SPPL3: variants seen among roughly 807,000 people sequenced by gnomAD.
SPPL3 encodes the protein signal peptide peptidase like 3, also known as signal peptide peptidase-like 3.
Under a neutral mutation model 42.4 loss-of-function variants are expected in SPPL3, and 5 were observed. The observed-to-expected ratio is 0.12, with a 90% confidence interval of 0.06 to 0.25. SPPL3 has a LOEUF of 0.25. Among genes scored for constraint, SPPL3 ranks in the 10% least tolerant of loss-of-function variants. The pLI, the probability that SPPL3 is intolerant of heterozygous loss-of-function variation, is 1.00. For synonymous variants in SPPL3, 195 were observed against 181.8 expected (o/e 1.07, Z -0.58); for missense variants, 235 against 489.0 (o/e 0.48, Z 4.90).
chr12:120,771,589 C>G (rs1049420781), intron 6 of SPPL3, among the ~76,000 whole-genome samples: 2 of 152,134 alleles, frequency 1.3e-5, no homozygotes, highest in Non-Finnish European at 2.9e-5. Flanking sequence ...GCCCTCAACT[C>G]CAGTGAAGGT....
At chr12:120,828,751 AG>A (rs1871302544) in intron 1 of SPPL3, among the ~76,000 whole-genome samples, 1 of 152,150 alleles carries the variant, frequency 6.6e-6, no homozygotes, top group African/African-American at 2.4e-5. Flanking sequence ...CCAAGAGGAA[AG>A]AAAGTCTTTT....
chr12:120,802,431 A>ATGTATTT (rs1312190815), intron 2 of SPPL3, among the ~76,000 whole-genome samples: 1 of 105,162 alleles, frequency 9.5e-6, no homozygotes, highest in Non-Finnish European at 1.8e-5. Flanking sequence ...ATATATATAT[A>ATGTATTT]TTTTTTTTTT....
intron 1 of SPPL3, among the ~76,000 whole-genome samples, chr12:120,838,605 CTCTGT>C (rs1446329798): frequency 6.6e-6 from 1 of 152,236 alleles, no homozygotes; most frequent in African/African-American, 2.4e-5. Flanking sequence ...CATTTGGGCT[CTCTGT>C]TCTTTGTGTC....
At position 120,767,471 on chromosome 12, in the gene SPPL3, G is replaced by C; in HGVS notation, c.896C>G (p.Ala299Gly). Residue 299 changes from alanine to glycine, a missense_variant, in exon 9 of 11, where the codon GCC (alanine) becomes GGC (glycine). This residue lies in a region of SPPL3 where 29 missense variants were observed against 16.4 expected (regional missense o/e 1.77). Coordinates refer to ENST00000353487, the MANE Select transcript of SPPL3 (RefSeq NM_139015.5). ...KKQASGDSCG[A>G]PGPANISGRM... ...CCCGGAGATGTTGGCAGGTCCAGGG[G>C]CCCCACAGGAGTCCCCACTGGCTTG... 1 of 1,614,150 alleles carries C rather than the reference G, an allele frequency of 6.2e-7. No homozygotes were observed.
chr12:120,893,183 G>A (rs1465372461), intron 1 of SPPL3, among the ~76,000 whole-genome samples: 3 of 151,736 alleles, frequency 2.0e-5, no homozygotes, highest in Non-Finnish European at 2.9e-5. Flanking sequence ...AGGTGCAGTG[G>A]CTCACGCCTG....
intron 1 of SPPL3, among the ~76,000 whole-genome samples, chr12:120,849,072 T>C (rs1304787794): frequency 6.6e-6 from 1 of 152,086 alleles, no homozygotes; most frequent in Non-Finnish European, 1.5e-5. Context: ...GAGGCTGAGA[T>C]GGGAGGATTG....
Position 120,763,819 on chromosome 12 carries a change from T to TTTTC in SPPL3, c.*1179_*1180insGAAA, listed in dbSNP as rs397782909. The TTTTC allele has an allele frequency of 6.7e-6, 1 of 150,088 alleles. No homozygotes were observed. The highest frequency in any genetic ancestry group is 1.9e-4 in the East Asian group (1 of 5,146). 9.3% of individuals were successfully genotyped at this position (150,088 alleles called of 1,614,324 possible). On this transcript the variant is annotated 3_prime_UTR_variant, in exon 11 of 11. Transcript: ENST00000353487. ...GTGTTGCTTTTTTCCTTTTTTTTTT[T>TTTTC]CTTAAAGGAGTGAGGGCATGGAAAA...
At chr12:120,800,201 G>A (rs982752078) in intron 2 of SPPL3, among the ~76,000 whole-genome samples, 2 of 152,096 alleles carry the variant, frequency 1.3e-5, no homozygotes, top group Non-Finnish European at 2.9e-5. Context: ...TGCAAGTCTA[G>A]GTACTGAAAT....
chr12:120,837,308 G>A (rs953974220), intron 1 of SPPL3, among the ~76,000 whole-genome samples: 19 of 152,018 alleles, frequency 1.2e-4, no homozygotes, highest in Non-Finnish European at 2.8e-4. Context: ...AGAGAAAAAA[G>A]GCAGATATGA....
intron 1 of SPPL3, among the ~76,000 whole-genome samples, chr12:120,841,546 TA>T (rs1331132407): frequency 1.1e-4 from 17 of 152,308 alleles, no homozygotes; most frequent in Admixed American, 7.2e-4. Context: ...GGCCAAGTTA[TA>T]ATTATTTTTT....
At chr12:120,873,146 G>T (rs1872979116) in intron 1 of SPPL3, among the ~76,000 whole-genome samples, 1 of 152,156 alleles carries the variant, frequency 6.6e-6, no homozygotes, top group South Asian at 2.1e-4. Flanking sequence ...AAACTGTAAA[G>T]ATTTTAAAAG....
rs540105317 is a variant in SPPL3, at chr12:120,806,626, A to T, written c.101+4183T>A. 1.1e-4 allele frequency among the ~76,000 whole-genome samples: 16 copies of T among 152,246 alleles called. No individual in the cohort carries two copies. The South Asian group carries it at 2.9e-3, about 28-fold the overall frequency. On this transcript the variant is annotated intron_variant, in intron 2 of 10. Transcript: ENST00000353487. ...TATTTTGGGAGGCTGAGGTGGGTGG[A>T]TCACGAGGTCAGGAGATCGAGACCA... is the stretch of plus-strand genomic sequence containing the variant.
At chr12:120,807,980 G>A (rs1056163819) in intron 2 of SPPL3, among the ~76,000 whole-genome samples, 1 of 151,802 alleles carries the variant, frequency 6.6e-6, no homozygotes, top group African/African-American at 2.4e-5. Context: ...TGAGCTGGAG[G>A]TCCTGAAAAC....
At chr12:120,832,466 G>A (rs527798112) in intron 1 of SPPL3, among the ~76,000 whole-genome samples, 2 of 152,286 alleles carry the variant, frequency 1.3e-5, no homozygotes, top group African/African-American at 4.8e-5. Context: ...GAGGTCGGGA[G>A]TTCAAGACCA....
intron 6 of SPPL3, among the ~76,000 whole-genome samples, chr12:120,781,319 T>C (rs998337230): frequency 1.3e-5 from 2 of 152,078 alleles, no homozygotes; most frequent in Non-Finnish European, 2.9e-5. Flanking sequence ...AAGAATTCTG[T>C]TCTAGGAATT....
At chr12:120,862,839 A>G (rs1295677253) in intron 1 of SPPL3, among the ~76,000 whole-genome samples, 2 of 151,778 alleles carry the variant, frequency 1.3e-5, no homozygotes, top group African/African-American at 4.8e-5. Context: ...TATATTTCCA[A>G]CCCTCTATTG....
intron 1 of SPPL3, chr12:120,845,039 C>A (rs1481384418): frequency 7.7e-6 from 2 of 260,616 alleles, no homozygotes; most frequent in Non-Finnish European, 7.9e-6. Context: ...TCTGCACTCA[C>A]ACTGGAGCCA....
intron 1 of SPPL3, among the ~76,000 whole-genome samples, chr12:120,868,215 C>T (rs758676345): frequency 4.0e-5 from 6 of 151,652 alleles, no homozygotes; most frequent in South Asian, 4.2e-4. Flanking sequence ...ATGATCATGC[C>T]ACTGCACTCC....
At chr12:120,790,949 A>AT (rs1214733135) in intron 3 of SPPL3, among the ~76,000 whole-genome samples, 2 of 151,918 alleles carry the variant, frequency 1.3e-5, no homozygotes, top group Admixed American at 6.6e-5. Context: ...CAGCCTCAGT[A>AT]GTAGCTGGAA....
Sources: gnomAD v4.1 joint callset for allele counts (sites outside exome capture counted in the v4.1 genomes callset) on GRCh38, gnomAD v4.1.1 for gene constraint, gnomAD v4.1.1 regional missense constraint, MANE v1.5 for transcripts, NCBI Gene and HGNC (gene_info 2026-07-23, HGNC 2026-07-21) for gene names.